Variants in ADCYAP1R1 observed in about 807,000 individuals in gnomAD.
ADCYAP1R1 encodes pituitary adenylate cyclase-activating polypeptide type I receptor.
In ADCYAP1R1, 44 loss-of-function variants were observed where a neutral mutation model predicts 67.6. The observed-to-expected ratio is 0.65, with a 90% CI of 0.51 to 0.84. ADCYAP1R1 has a LOEUF of 0.84. ADCYAP1R1 is among the 40% of genes least tolerant of loss of function. The probability of loss-of-function intolerance (pLI) is 0.00; values close to 1 mark genes in which losing one functional copy is unlikely to be tolerated. For missense variants in ADCYAP1R1, 477 were observed against 587.9 expected, an observed-to-expected ratio of 0.81 and a Z score of 1.95; for synonymous variants, 222 against 219.6, an observed-to-expected ratio of 1.01 and a Z score of -0.10.
intron 3 of ADCYAP1R1, among the ~76,000 whole-genome samples, chr7:31,066,276 G>A (rs954420295): frequency 3.3e-5 from 5 of 152,194 alleles, no homozygotes; most frequent in African/African-American, 1.2e-4. Context: ...TGCATTGCGT[G>A]TCTCAGATAC....
At position 31,080,646 on chromosome 7, in the gene ADCYAP1R1, T is replaced by C; in HGVS notation, c.286+13T>C. The stretch of plus-strand genomic sequence containing the variant: ...ACCGAAACCATTGGTAAGAGGAACC[T>C]TGGTGAGGATAGACCGCTGTCTTTC... On this transcript the variant is annotated intron_variant, in intron 5 of 15. Transcript: ENST00000304166. The C allele has an allele frequency of 6.2e-7, 1 of 1,613,652 alleles. No individual in the cohort carries two copies. Among genetic ancestry groups the C allele is most frequent in the East Asian group, 2.2e-5 (1 of 44,874 alleles).
chr7:31,110,937 T>C lies in ADCYAP1R1; in HGVS notation c.*4253T>C, dbSNP rs1281459097. The C allele has an allele frequency of 6.6e-6, 1 of 152,224 alleles. No individual in the cohort carries two copies. The highest frequency in any genetic ancestry group is 1.5e-5 in the Non-Finnish European group (1 of 68,030). The allele number at this position is 152,224 out of a possible 1,614,324, so 9.4% of individuals were successfully genotyped here. ...AAGGGACTCCTTGCTGTTTATCTAC[T>C]GCTTTGAGCCCTCCTAAGTTAACCT... On this transcript the variant is annotated 3_prime_UTR_variant, in exon 16 of 16. Coordinates refer to ENST00000304166, the MANE Select transcript of ADCYAP1R1 (RefSeq NM_001118.5).
chr7:31,102,865 A>G lies in ADCYAP1R1; in HGVS notation c.1047-372A>G, dbSNP rs962299967. ...AAAGAGCTTTCTTCCAGAACAGGAGAGCGGCTGCTCTGCCTGAGGACCCTG... is the reference window on the plus strand; with the variant it reads ...AAAGAGCTTTCTTCCAGAACAGGAGGGCGGCTGCTCTGCCTGAGGACCCTG... On this transcript the variant is annotated intron_variant, in intron 13 of 15. Transcript: ENST00000304166. This position sits in a 1 kb window ranked among gnomAD's most constrained non-coding sequence, Gnocchi z 4.3. 6.6e-6 allele frequency among the ~76,000 whole-genome samples: 1 copy of G among 152,112 alleles called. No individual in the cohort carries two copies. The highest frequency in any genetic ancestry group is 2.1e-4 in the South Asian group (1 of 4,814).
chr7:31,073,364 AAAGAT>A (rs1351643825), intron 3 of ADCYAP1R1, among the ~76,000 whole-genome samples: 2 of 152,190 alleles, frequency 1.3e-5, no homozygotes, highest in African/African-American at 4.8e-5. Flanking sequence ...GGGAAGAAAA[AAAGAT>A]AAAAGGAGGA....
Position 31,087,629 on chromosome 7 carries a change from G to C in ADCYAP1R1, c.887G>C (p.Cys296Ser). The change falls in exon 12 of 16, where the codon TGC (cysteine) becomes TCC (serine). Residue 296 changes from cysteine to serine, a missense_variant and splice_region_variant. By Grantham distance (112) the Cys-to-Ser change is moderately radical. Coordinates refer to ENST00000304166, the MANE Select transcript of ADCYAP1R1 (RefSeq NM_001118.5). Reference protein sequence around the residue: ...TLRLYFDDTGCWDMNDSTALW... With the variant: ...TLRLYFDDTGSWDMNDSTALW... ...GCTTCTCTCTGTCCATCTTTCAGCT[G>C]CTGGGATATGAATGACAGCACAGCT... is the stretch of plus-strand genomic sequence containing the variant. The C allele has an allele frequency of 6.2e-7, 1 of 1,613,862 alleles. No individual in the cohort carries two copies. Among genetic ancestry groups the C allele is most frequent in the Non-Finnish European group, 8.5e-7 (1 of 1,179,882 alleles).
chr7:31,071,394 C>T (rs1464748521), intron 3 of ADCYAP1R1, among the ~76,000 whole-genome samples: 1 of 152,148 alleles, frequency 6.6e-6, no homozygotes, highest in Non-Finnish European at 1.5e-5. Flanking sequence ...GAATTCCTCT[C>T]CCCATGTCCC....
intron 4 of ADCYAP1R1, 25 bp from the exon 5 acceptor site, chr7:31,080,588 C>G (rs1305423990): frequency 1.9e-6 from 3 of 1,611,998 alleles, no homozygotes; most frequent in Non-Finnish European, 2.5e-6. Flanking sequence ...TGACTTTTCT[C>G]TCTCTCTCTT....
intron 4 of ADCYAP1R1, among the ~76,000 whole-genome samples, chr7:31,078,876 G>A (rs944950064): frequency 6.6e-6 from 1 of 152,198 alleles, no homozygotes; most frequent in Non-Finnish European, 1.5e-5. Context: ...GTGCGATGGC[G>A]CCTCCCTGAG....
intron 3 of ADCYAP1R1, among the ~76,000 whole-genome samples, chr7:31,069,618 C>T (rs1212671850): frequency 1.3e-5 from 2 of 152,044 alleles, no homozygotes; most frequent in Non-Finnish European, 2.9e-5. Context: ...CTGGGGGGCT[C>T]CAGGGGGATC....
chr7:31,095,636 C>T (rs2128635773), intron 13 of ADCYAP1R1: 1 of 717,576 alleles, frequency 1.4e-6, no homozygotes, highest in East Asian at 2.7e-5. Flanking sequence ...CTGCCCACAA[C>T]AGCTCTCCGG....
intron 1 of ADCYAP1R1, among the ~76,000 whole-genome samples, chr7:31,059,875 C>T (rs1487238824): frequency 1.3e-5 from 2 of 151,412 alleles, no homozygotes; most frequent in Non-Finnish European, 2.9e-5. Flanking sequence ...CTGGGAGCTC[C>T]CAGGTTCTCT....
chr7:31,106,828 G>A lies in ADCYAP1R1; in HGVS notation c.*144G>A. The A allele has an allele frequency of 2.0e-6, 2 of 1,005,614 alleles. No homozygotes were observed. Among genetic ancestry groups the A allele is most frequent in the Non-Finnish European group, 2.8e-6 (2 of 708,718 alleles). 62.3% of individuals were successfully genotyped at this position (1,005,614 alleles called of 1,614,324 possible). On this transcript the variant is annotated 3_prime_UTR_variant, in exon 16 of 16. Coordinates refer to ENST00000304166, the MANE Select transcript of ADCYAP1R1 (RefSeq NM_001118.5). ...GCTCCTGAGGGGGGAGAAGGAGGCA[G>A]GGCACAGACTGGAATTGTCCCCTCC...
chr7:31,070,572 A>G (rs1428615340), intron 3 of ADCYAP1R1, among the ~76,000 whole-genome samples: 10 of 152,240 alleles, frequency 6.6e-5, no homozygotes, highest in Non-Finnish European at 1.5e-4. Flanking sequence ...TCCTTAGAGC[A>G]GGAGGAGCTT....
At chr7:31,077,704 G>A (rs900371589) in intron 3 of ADCYAP1R1, among the ~76,000 whole-genome samples, 19 of 148,788 alleles carry the variant, frequency 1.3e-4, no homozygotes, top group African/African-American at 4.5e-4. Context: ...TGGTGTGTGT[G>A]ATGTGTGTGT....
rs1325995810 is a variant in ADCYAP1R1, at chr7:31,085,424, C to T, written c.651C>T (p.Asn217=). 1.2e-6 allele frequency: 2 copies of T among 1,613,380 alleles called. No homozygotes were observed. Among genetic ancestry groups the T allele is most frequent in the East Asian group, 4.5e-5 (2 of 44,874 alleles). Residue 217 remains asparagine, a synonymous_variant, in exon 9 of 16, where the codon AAC becomes AAT. Transcript: ENST00000304166. ...TTCTGTATGCGGAGCAGGACAGCAACCACTGCTTCATCTCCACTGTGAGTG... is the reference window on the plus strand; with the variant it reads ...TTCTGTATGCGGAGCAGGACAGCAATCACTGCTTCATCTCCACTGTGAGTG... ...DWILYAEQDS[N]HCFISTVECK...
intron 3 of ADCYAP1R1, among the ~76,000 whole-genome samples, chr7:31,074,387 T>C (rs1202409921): frequency 6.6e-6 from 1 of 152,134 alleles, no homozygotes; most frequent in African/African-American, 2.4e-5. Context: ...AGGTAGGCAC[T>C]CAGTAAATAG....
chr7:31,055,220 C>T (rs576646991), intron 1 of ADCYAP1R1, among the ~76,000 whole-genome samples: 4 of 152,050 alleles, frequency 2.6e-5, no homozygotes, highest in Non-Finnish European at 5.9e-5. Context: ...TGAGACACAC[C>T]CTCTCACACA....
rs534263872 is a variant in ADCYAP1R1, at chr7:31,077,683, TGTG to T, written c.158-304_158-302del. Among the ~76,000 whole-genome samples, 636 of 147,388 alleles carry T rather than the reference TGTG, an allele frequency of 4.3e-3. 8 individuals carry two copies. Among genetic ancestry groups the T allele is most frequent in the African/African-American group, 0.015 (606 of 39,698 alleles). ...GTGTGTGGTGTATGTGTGAGTGGTG[TGTG>T]GTGTGTGTGGTGTGTGTGATGTGTG... is the stretch of plus-strand genomic sequence containing the variant. On this transcript the variant is annotated intron_variant, in intron 3 of 15. Transcript: ENST00000304166.
chr7:31,059,853 C>A (rs60722464), intron 1 of ADCYAP1R1, among the ~76,000 whole-genome samples: 15,697 of 150,794 alleles, frequency 0.1, 875 homozygotes, highest in Non-Finnish European at 0.11. Flanking sequence ...AGGTCCCCAG[C>A]GGAGTCGAGG....
Sources: gnomAD v4.1 joint callset for allele counts (sites outside exome capture counted in the v4.1 genomes callset) on GRCh38, gnomAD v4.1.1 for gene constraint, Gnocchi (gnomAD v3.1) non-coding constraint, MANE v1.5 for transcripts, NCBI Gene and HGNC (gene_info 2026-07-23, HGNC 2026-07-21) for gene names.